Variants in MTUS2 observed in about 807,000 individuals in gnomAD.
MTUS2 encodes microtubule-associated tumor suppressor candidate 2.
A neutral mutation model predicts 114.1 loss-of-function variants in MTUS2; 40 were observed. The observed-to-expected ratio is 0.35, with a 90% CI of 0.27 to 0.46. MTUS2 has a LOEUF of 0.46. Ranked by LOEUF, MTUS2 falls within the 20% of genes least tolerant of loss-of-function variation. MTUS2 has a pLI of 1.00. For synonymous variants in MTUS2, 688 were observed against 672.0 expected (o/e 1.02, Z -0.37); for missense variants, 1,679 against 1,705.4 (o/e 0.98, Z 0.27).
chr13:29,331,211 G>T (rs1446032632), intron 7 of MTUS2, among the ~76,000 whole-genome samples: 1 of 152,136 alleles, frequency 6.6e-6, no homozygotes, highest in Non-Finnish European at 1.5e-5. Flanking sequence ...GTGAATGGGA[G>T]TTCACTCATG....
At chr13:29,255,362 C>G (rs914195855) in intron 5 of MTUS2, among the ~76,000 whole-genome samples, 1 of 152,160 alleles carries the variant, frequency 6.6e-6, no homozygotes, top group African/African-American at 2.4e-5. Flanking sequence ...CAGCCCCCTC[C>G]GGTCCATCTG....
chr13:29,186,667 A>G (rs1025220034), intron 5 of MTUS2, among the ~76,000 whole-genome samples: 1 of 152,232 alleles, frequency 6.6e-6, no homozygotes, highest in Non-Finnish European at 1.5e-5. Context: ...CAATCCAACA[A>G]TAGGAGTTGA....
intron 2 of MTUS2, among the ~76,000 whole-genome samples, chr13:28,928,522 C>G (rs1881447807): frequency 6.6e-6 from 1 of 152,186 alleles, no homozygotes; most frequent in African/African-American, 2.4e-5. Context: ...TACTAATCAT[C>G]TGAGAAATGC....
intron 7 of MTUS2, among the ~76,000 whole-genome samples, chr13:29,333,870 C>T (rs1170048021): frequency 2.6e-5 from 4 of 152,046 alleles, no homozygotes; most frequent in Non-Finnish European, 4.4e-5. Flanking sequence ...GCTGAGTGCT[C>T]CTGTATTGGG....
intron 1 of MTUS2, among the ~76,000 whole-genome samples, chr13:28,824,556 A>G (rs957539401): frequency 3.3e-5 from 5 of 152,062 alleles, no homozygotes; most frequent in Non-Finnish European, 7.4e-5. Context: ...TAAAACACCC[A>G]GTCACCTCTA....
At chr13:29,317,871 A>G (rs944932912) in intron 6 of MTUS2, among the ~76,000 whole-genome samples, 5 of 152,208 alleles carry the variant, frequency 3.3e-5, no homozygotes, top group African/African-American at 9.7e-5. Context: ...AATTCATCTT[A>G]CAAATGGCAT....
At chr13:28,852,489 C>G (rs1419286293) in intron 2 of MTUS2, among the ~76,000 whole-genome samples, 1 of 152,106 alleles carries the variant, frequency 6.6e-6, no homozygotes. Context: ...AAAAGGGAGG[C>G]TAATGGTCTT....
chr13:29,181,575 G>A (rs1593568739), intron 5 of MTUS2, among the ~76,000 whole-genome samples: 1 of 152,216 alleles, frequency 6.6e-6, no homozygotes, highest in East Asian at 1.9e-4. Context: ...TGCTTGCCTC[G>A]GGGTTAGGAT....
intron 8 of MTUS2, among the ~76,000 whole-genome samples, chr13:29,360,570 C>T (rs1870142760): frequency 6.6e-6 from 1 of 152,060 alleles, no homozygotes; most frequent in African/African-American, 2.4e-5. Context: ...TTTCAGCCTC[C>T]TCCCCAACCA....
At chr13:29,001,191 G>GC (rs143234403) in intron 2 of MTUS2, among the ~76,000 whole-genome samples, 2,689 of 152,256 alleles carry the variant, frequency 0.018, 80 homozygotes, top group African/African-American at 0.061. Context: ...TCAGTGAGCT[G>GC]AAGAGCCACT....
chr13:28,878,101 T>C (rs914768692), intron 2 of MTUS2, among the ~76,000 whole-genome samples: 2 of 152,140 alleles, frequency 1.3e-5, no homozygotes, highest in Non-Finnish European at 2.9e-5. Flanking sequence ...CTTTAATTGA[T>C]GTGTATGAAG....
intron 5 of MTUS2, among the ~76,000 whole-genome samples, chr13:29,166,316 A>G (rs1893314711): frequency 6.6e-6 from 1 of 152,230 alleles, no homozygotes; most frequent in Admixed American, 6.5e-5. Flanking sequence ...TGGAGAACTG[A>G]CAGAAGGTTG....
At chr13:29,472,678 A>T (rs977140837) in intron 9 of MTUS2, among the ~76,000 whole-genome samples, 36 of 152,240 alleles carry the variant, frequency 2.4e-4, no homozygotes, top group Non-Finnish European at 1.3e-4. Context: ...ATCCTAAATG[A>T]AAAAAGCAAA....
chr13:29,163,205 A>G (rs1424945210), intron 5 of MTUS2, among the ~76,000 whole-genome samples: 1 of 152,152 alleles, frequency 6.6e-6, no homozygotes, highest in Non-Finnish European at 1.5e-5. Context: ...AAAATTCACA[A>G]CAAATCATCA....
chr13:28,933,388 A>G (rs1365779413), intron 2 of MTUS2, among the ~76,000 whole-genome samples: 1 of 152,200 alleles, frequency 6.6e-6, no homozygotes, highest in African/African-American at 2.4e-5. Flanking sequence ...GGGAAACTTC[A>G]GTCTTTGCTC....
In MTUS2 at chr13:29,065,959, C is replaced by T. The variant is rs1055518998; in HGVS notation, c.2446+31834C>T. On this transcript the variant is annotated intron_variant, in intron 4 of 15. Transcript: ENST00000612955. ...AAGCCCCCTGGGTCAGGTTTCCTCC[C>T]GCTTCCTCCCTTGAGCCTGTTTGTG... 7.2e-5 allele frequency among the ~76,000 whole-genome samples: 11 copies of T among 152,272 alleles called. 1 individual carries two copies. In the East Asian group the frequency reaches 7.7e-4, roughly 11 times the overall value.
intron 6 of MTUS2, among the ~76,000 whole-genome samples, chr13:29,312,078 C>T (rs1304390900): frequency 6.6e-6 from 1 of 152,198 alleles, no homozygotes; most frequent in Non-Finnish European, 1.5e-5. Context: ...TCTGCAGCGC[C>T]CTTGCCCTCT....
intron 2 of MTUS2, among the ~76,000 whole-genome samples, chr13:28,846,032 T>G (rs1330979691): frequency 1.5e-5 from 2 of 132,814 alleles, no homozygotes; most frequent in Non-Finnish European, 3.2e-5. Flanking sequence ...AAAACATATA[T>G]GCAGTCTTTT....
chr13:28,931,156 C>T (rs1230115958), intron 2 of MTUS2, among the ~76,000 whole-genome samples: 1 of 152,198 alleles, frequency 6.6e-6, no homozygotes, highest in Non-Finnish European at 1.5e-5. Context: ...TGGGCATGGC[C>T]CCGTGACTTG....
Sources: gnomAD v4.1 joint callset for allele counts (sites outside exome capture counted in the v4.1 genomes callset) on GRCh38, gnomAD v4.1.1 for gene constraint, MANE v1.5 for transcripts, NCBI Gene and HGNC (gene_info 2026-07-23, HGNC 2026-07-21) for gene names.